The following GOLM1 variants were observed in gnomAD, a reference collection of about 807,000 sequenced individuals.
GOLM1 encodes epididymis luminal protein 46.
A neutral mutation model predicts 50.5 loss-of-function variants in GOLM1; 31 were observed. The observed-to-expected ratio is 0.61, with a 90% CI of 0.46 to 0.83. GOLM1 has a LOEUF of 0.83. Ranked by LOEUF, GOLM1 falls within the 40% of genes least tolerant of loss-of-function variation. The pLI is 0.00. For missense variants in GOLM1, 491 were observed against 501.3 expected, an observed-to-expected ratio of 0.98 and a Z score of 0.20; for synonymous variants, 178 against 192.8, an observed-to-expected ratio of 0.92 and a Z score of 0.64.
At chr9:86,070,197 T>G (rs1210962855) in intron 3 of GOLM1, among the ~76,000 whole-genome samples, 4 of 152,150 alleles carry the variant, frequency 2.6e-5, no homozygotes, top group Non-Finnish European at 5.9e-5. Context: ...GCCAATCTTT[T>G]TAGAGAAAAA....
intron 1 of GOLM1, among the ~76,000 whole-genome samples, chr9:86,094,812 G>A (rs562673364): frequency 4.6e-5 from 7 of 152,136 alleles, no homozygotes; most frequent in Non-Finnish European, 7.4e-5. Context: ...GGCCAGGCAC[G>A]GTGGCTAATG....
At chr9:86,053,668 C>A in intron 3 of GOLM1, among the ~76,000 whole-genome samples, 24 of 146,542 alleles carry the variant, frequency 1.6e-4, no homozygotes, top group Non-Finnish European at 2.1e-4. Flanking sequence ...CCACTCCACA[C>A]ACGGCACACC....
At chr9:86,068,181 G>C (rs1397175693) in intron 3 of GOLM1, among the ~76,000 whole-genome samples, 3 of 152,160 alleles carry the variant, frequency 2.0e-5, no homozygotes, top group African/African-American at 7.2e-5. Flanking sequence ...ATGTGAGGTG[G>C]AAATTGCACA....
rs1832818947 is a variant in GOLM1 at position 86,027,424 on chromosome 9, A to T, written c.*393T>A. The T allele has an allele frequency of 9.8e-7, 1 of 1,018,784 alleles. No homozygotes were observed. Among genetic ancestry groups the T allele is most frequent in the Non-Finnish European group, 1.2e-6 (1 of 851,750 alleles). The allele number at this position is 1,018,784 out of a possible 1,614,324, so 63.1% of individuals were successfully genotyped here. A position where few individuals can be genotyped will look rare whatever the true frequency, so the allele number is the denominator to read the frequency against. On this transcript the variant is annotated 3_prime_UTR_variant, in exon 10 of 10. Transcript: ENST00000388712. Reference sequence around the variant, plus strand: ...GTACAGCACGTGGACAGGACGACGGAACCCAGAGTTCTCTGTCTCTCCTTC... The same window carrying T: ...GTACAGCACGTGGACAGGACGACGGTACCCAGAGTTCTCTGTCTCTCCTTC...
chr9:86,090,126 C>T (rs1280074999), intron 1 of GOLM1, among the ~76,000 whole-genome samples: 1 of 152,154 alleles, frequency 6.6e-6, no homozygotes, highest in African/African-American at 2.4e-5. Flanking sequence ...AGCTTTGTCG[C>T]AGAGGGGCAC....
intron 3 of GOLM1, among the ~76,000 whole-genome samples, chr9:86,060,940 A>ACAGAAATG (rs1834145583): frequency 1.3e-5 from 2 of 149,630 alleles, no homozygotes; most frequent in Non-Finnish European, 3.0e-5. Context: ...GTTACACAAC[A>ACAGAAATG]CAGAAATGTT....
intron 4 of GOLM1, among the ~76,000 whole-genome samples, chr9:86,050,541 C>T (rs560832504): frequency 1.3e-5 from 2 of 152,188 alleles, no homozygotes; most frequent in South Asian, 4.2e-4. Flanking sequence ...AATTTCAGAG[C>T]CTGTTATTGG....
At chr9:86,079,416 AACC>A in intron 1 of GOLM1, 75 bp from the exon 2 acceptor site, 3 of 1,219,320 alleles carry the variant, frequency 2.5e-6, no homozygotes, top group Non-Finnish European at 3.4e-6. Flanking sequence ...TCATCCTTAC[AACC>A]AAGAGGAAAG....
At chr9:86,043,325 C>T (rs566170900) in intron 5 of GOLM1, among the ~76,000 whole-genome samples, 11 of 152,282 alleles carry the variant, frequency 7.2e-5, no homozygotes, top group Admixed American at 4.6e-4. Flanking sequence ...CTGATTCAAA[C>T]GGAAAGAACA....
upstream of GOLM1, chr9:86,100,123 A>C (rs1835493079): frequency 6.6e-6 from 1 of 152,134 alleles, no homozygotes; most frequent in East Asian, 1.9e-4. Context: ...TGACCCTTCC[A>C]CTGCTAGCAA....
intron 6 of GOLM1, among the ~76,000 whole-genome samples, chr9:86,039,304 G>A (rs1833252681): frequency 6.6e-6 from 1 of 152,226 alleles, no homozygotes; most frequent in Admixed American, 6.5e-5. Context: ...GTAGTATCAA[G>A]AGTTGGCAAG....
chr9:86,083,619 C>T (rs1048080143), intron 1 of GOLM1, among the ~76,000 whole-genome samples: 4 of 152,186 alleles, frequency 2.6e-5, no homozygotes, highest in Non-Finnish European at 5.9e-5. Flanking sequence ...AATTCTCGGC[C>T]TCAAGTGATC....
intron 1 of GOLM1, among the ~76,000 whole-genome samples, chr9:86,097,552 C>A (rs904448404): frequency 2.6e-5 from 4 of 152,150 alleles, no homozygotes; most frequent in Non-Finnish European, 5.9e-5. Flanking sequence ...CCAATGGCCA[C>A]CCCAGGTCCT....
At chr9:86,095,917 A>G (rs1292984619) in intron 1 of GOLM1, among the ~76,000 whole-genome samples, 2 of 152,164 alleles carry the variant, frequency 1.3e-5, no homozygotes, top group African/African-American at 4.8e-5. Flanking sequence ...GTGGCTTAGG[A>G]AAAGAGTACT....
chr9:86,049,109 C>A (rs903687026), intron 4 of GOLM1, among the ~76,000 whole-genome samples: 4 of 152,298 alleles, frequency 2.6e-5, no homozygotes, highest in Non-Finnish European at 4.4e-5. Flanking sequence ...CCAGTTTTCC[C>A]AGCACCATTT....
In GOLM1 at chr9:86,040,936, C is replaced by T. The variant is rs146840659; in HGVS notation, c.468-68G>A. ...TGTGTCTCTGCTGGACGGTGACATC[C>T]ACTTCCATAAGAGACACAGACCCTC... is the stretch of plus-strand genomic sequence containing the variant. On this transcript the variant is annotated intron_variant, in intron 5 of 9. Coordinates refer to ENST00000388712, the MANE Select transcript of GOLM1 (RefSeq NM_016548.4). 3.1e-4 allele frequency: 455 copies of T among 1,490,768 alleles called. 1 individual carries two copies. In the African/African-American group the frequency reaches 5.4e-3, roughly 18 times the overall value. 92.3% of individuals were successfully genotyped at this position (1,490,768 alleles called of 1,614,324 possible). A position where few individuals can be genotyped will look rare whatever the true frequency, so the allele number is the denominator to read the frequency against.
intron 3 of GOLM1, among the ~76,000 whole-genome samples, chr9:86,062,735 G>C (rs1354661406): frequency 6.6e-6 from 1 of 151,578 alleles, no homozygotes; most frequent in African/African-American, 2.4e-5. Context: ...AAACGGGGGG[G>C]GCTGCCCTTG....
Position 86,042,581 on chromosome 9 carries a change from C to T in GOLM1, c.468-1713G>A, listed in dbSNP as rs140466607. ...CAGCTGACAGATCAGGTGAAAATTT[C>T]ATTTAAATACAATTCTCACAAATAT... On this transcript the variant is annotated intron_variant, in intron 5 of 9. Transcript: ENST00000388712. Among the ~76,000 whole-genome samples, 241 of 152,308 alleles carry T rather than the reference C, an allele frequency of 1.6e-3. 9 individuals are homozygous for T. In the East Asian group the frequency reaches 0.038, roughly 24 times the overall value.
In GOLM1 at chr9:86,028,036, T is replaced by C. The variant is rs2118593495; in HGVS notation, c.1130-143A>G. ...AGCAACACTGTAATTGGGAGTTGTA[T>C]TCCTCATCAAGGACAAGATGGCAAC... On this transcript the variant is annotated intron_variant, in intron 9 of 9. Coordinates refer to ENST00000388712, the MANE Select transcript of GOLM1 (RefSeq NM_016548.4). 3 of 598,056 alleles carry C rather than the reference T, an allele frequency of 5.0e-6. No homozygotes were observed. In the East Asian group the frequency reaches 8.5e-5, roughly 17 times the overall value. The allele number at this position is 598,056 out of a possible 1,614,324, so 37.0% of individuals were successfully genotyped here. A position where few individuals can be genotyped will look rare whatever the true frequency, so the allele number is the denominator to read the frequency against.
Sources: allele counts gnomAD v4.1 joint callset (sites outside exome capture counted in the v4.1 genomes callset), GRCh38; gene constraint gnomAD v4.1.1; transcripts MANE v1.5; gene names NCBI Gene and HGNC (gene_info 2026-07-23, HGNC 2026-07-21).